Variants in UBAC1 observed in about 807,000 individuals in gnomAD.
UBAC1 encodes the protein ubiquitin-associated domain-containing protein 1.
Under a neutral mutation model 45.9 loss-of-function variants are expected in UBAC1, and 27 were observed. That is an observed-to-expected ratio of 0.59 (90% confidence interval 0.43 to 0.81). The LOEUF is 0.81. Among genes scored for constraint, UBAC1 ranks in the 30% least tolerant of loss-of-function variants. UBAC1 has a pLI of 0.00. For missense variants in UBAC1, 529 were observed against 539.2 expected (o/e 0.98, Z 0.19); for synonymous variants, 227 against 215.5 (o/e 1.05, Z -0.47).
At chr9:135,956,720 A>G (rs553608979) in intron 1 of UBAC1, among the ~76,000 whole-genome samples, 1 of 152,324 alleles carries the variant, frequency 6.6e-6, no homozygotes, top group African/African-American at 2.4e-5. Context: ...TGTTTCACAA[A>G]ATACCCACAG....
At chr9:135,950,694 C>T (rs1839396701) in intron 3 of UBAC1, among the ~76,000 whole-genome samples, 1 of 152,132 alleles carries the variant, frequency 6.6e-6, no homozygotes, top group African/African-American at 2.4e-5. Flanking sequence ...GTACTATAGC[C>T]TCTTCATTAA....
chr9:135,933,873 G>A (rs192518200), intron 9 of UBAC1, among the ~76,000 whole-genome samples: 1 of 152,270 alleles, frequency 6.6e-6, no homozygotes, highest in Non-Finnish European at 1.5e-5. Context: ...AAGGTCAGCA[G>A]ATGCAGAAAG....
At chr9:135,938,135 G>A (rs552401957) in intron 9 of UBAC1, 87 bp downstream of exon 9, 79 of 1,545,724 alleles carry the variant, frequency 5.1e-5, no homozygotes, top group Middle Eastern at 1.7e-4. Context: ...TGGATCCTCC[G>A]TATCGCCTCC....
chr9:135,952,939 C>T (rs568086816), intron 3 of UBAC1, among the ~76,000 whole-genome samples: 24 of 152,364 alleles, frequency 1.6e-4, no homozygotes, highest in Non-Finnish European at 2.9e-4. Context: ...GCTCCCTCAC[C>T]GGCCACTCTC....
rs186584105 is a variant in UBAC1, at chr9:135,945,042, G to C, written c.862C>G (p.Arg288Gly). ...GTAACACATACCCGAGCATCAGCCC[G>C]AAACTCCCTTTTCCTCCGGATCTTC... ...FKKIRRKREF[R>G]ADARAVISLM... The change falls in exon 7 of 10, where the codon CGG (arginine) becomes GGG (glycine). Residue 288 changes from arginine (R) to glycine (G), a missense_variant. Coordinates refer to ENST00000371756, the MANE Select transcript of UBAC1 (RefSeq NM_016172.3). 1.9e-6 allele frequency: 3 copies of C among 1,613,708 alleles called. No individual in the cohort carries two copies.
At chr9:135,944,607 C>A (rs770991018) in intron 7 of UBAC1, among the ~76,000 whole-genome samples, 2 of 152,208 alleles carry the variant, frequency 1.3e-5, no homozygotes, top group Non-Finnish European at 2.9e-5. Context: ...TGAGCGGCCC[C>A]TCGCTCATGG....
At position 135,933,163 on chromosome 9, in the gene UBAC1, C is replaced by G; in HGVS notation, c.*237G>C. 2.0e-6 allele frequency: 1 copy of G among 505,292 alleles called. No individual in the cohort carries two copies. Among genetic ancestry groups the G allele is most frequent in the Non-Finnish European group, 3.6e-6 (1 of 280,888 alleles). The allele number at this position is 505,292 out of a possible 1,614,324, so 31.3% of individuals were successfully genotyped here. ...TGGAGACGAGGCCATCACTCCACTT[C>G]CCAGTGCGACAACCACTTTTTTGTA... On this transcript the variant is annotated 3_prime_UTR_variant, in exon 10 of 10. Transcript: ENST00000371756.
At chr9:135,946,589 C>A (rs1839339751) in intron 4 of UBAC1, among the ~76,000 whole-genome samples, 1 of 152,232 alleles carries the variant, frequency 6.6e-6, no homozygotes, top group Non-Finnish European at 1.5e-5. Flanking sequence ...GACAGGAACG[C>A]CTGGTGACGG....
At position 135,955,277 on chromosome 9, in the gene UBAC1, C is replaced by T. The variant is rs1435869454; in HGVS notation, c.259+18G>A. The stretch of plus-strand genomic sequence containing the variant: ...GCACGATGCCTGCTGCCAACCCGCC[C>T]GCCCACAGCAGCCTTACCTTGGTCC... On this transcript the variant is annotated intron_variant, in intron 2 of 9. Transcript: ENST00000371756. 3 of 1,540,062 alleles carry T rather than the reference C, an allele frequency of 1.9e-6. No homozygotes were observed. The highest frequency in any genetic ancestry group is 4.7e-5 in the East Asian group (2 of 42,562).
intron 1 of UBAC1, among the ~76,000 whole-genome samples, chr9:135,960,690 T>A (rs1039555082): frequency 2.7e-5 from 4 of 148,330 alleles, no homozygotes; most frequent in Non-Finnish European, 6.1e-5. Context: ...AGTTTCCCGA[T>A]CTGCCCCTAC....
intron 7 of UBAC1, among the ~76,000 whole-genome samples, chr9:135,941,085 C>T (rs1341116632): frequency 6.6e-6 from 1 of 152,174 alleles, no homozygotes. Context: ...AGGATGCTGG[C>T]TAGAGCTAAA....
At chr9:135,945,394 A>C in intron 6 of UBAC1, 144 bp from the exon 7 acceptor site, 1 of 691,598 alleles carries the variant, frequency 1.4e-6, no homozygotes, top group Non-Finnish European at 2.3e-6. Flanking sequence ...ACCTGAATGA[A>C]CACAGGTGCG....
At chr9:135,936,084 T>C (rs943195127) in intron 9 of UBAC1, among the ~76,000 whole-genome samples, 16 of 148,730 alleles carry the variant, frequency 1.1e-4, no homozygotes, top group Non-Finnish European at 2.4e-4. Flanking sequence ...GTCTATAATA[T>C]GGAGGTGGGC....
chr9:135,947,828 G>C lies in UBAC1; in HGVS notation c.411C>G (p.Asp137Glu). 6.8e-6 allele frequency: 11 copies of C among 1,614,148 alleles called. No homozygotes were observed. The highest frequency in any genetic ancestry group is 9.3e-6 in the Non-Finnish European group (11 of 1,180,002). The change falls in exon 4 of 10, where the codon GAC (aspartate) becomes GAG (glutamate). Residue 137 changes from aspartate (D) to glutamate (E), a missense_variant. Transcript: ENST00000371756. ...TCATGTTGGTCTGGACCGCGGCCCG[G>C]TCCATGTTGTAGGAGGGCAGGTTGG... Reference protein sequence around the residue: ...ATANLPSYNMDRAAVQTNMRD... With the variant: ...ATANLPSYNMERAAVQTNMRD...
intron 4 of UBAC1, among the ~76,000 whole-genome samples, chr9:135,947,327 C>G (rs1487798000): frequency 2.0e-5 from 3 of 152,024 alleles, no homozygotes; most frequent in African/African-American, 7.2e-5. Context: ...TCTCGGCTTA[C>G]TGCAACCTCC....
chr9:135,949,590 T>C (rs1839381861), intron 3 of UBAC1, among the ~76,000 whole-genome samples: 1 of 152,188 alleles, frequency 6.6e-6, no homozygotes, highest in Non-Finnish European at 1.5e-5. Flanking sequence ...TGGCACCCCC[T>C]CCACAGCTGC....
chr9:135,947,363 T>C (rs750561711), intron 4 of UBAC1, among the ~76,000 whole-genome samples: 1 of 152,164 alleles, frequency 6.6e-6, no homozygotes, highest in Non-Finnish European at 1.5e-5. Flanking sequence ...GTGATTCTCC[T>C]GTCTCAGCCT....
chr9:135,939,941 T>A (rs1321985340), intron 7 of UBAC1, among the ~76,000 whole-genome samples, 182 bp from the exon 8 acceptor site: 1 of 152,182 alleles, frequency 6.6e-6, no homozygotes, highest in African/African-American at 2.4e-5. Context: ...GTTTTCAGCA[T>A]CCTAAAGCCG....
intron 9 of UBAC1, among the ~76,000 whole-genome samples, chr9:135,935,568 G>T (rs1438774188): frequency 6.6e-6 from 1 of 152,152 alleles, no homozygotes; most frequent in Non-Finnish European, 1.5e-5. Context: ...GGAGGTCAAG[G>T]CTGCAGTAAG....
Sources: allele counts gnomAD v4.1 joint callset (sites outside exome capture counted in the v4.1 genomes callset), GRCh38; gene constraint gnomAD v4.1.1; transcripts MANE v1.5; gene names NCBI Gene and HGNC (gene_info 2026-07-23, HGNC 2026-07-21).